The following MTMR10 variants were observed in gnomAD, a reference collection of about 807,000 sequenced individuals.
The protein encoded by MTMR10 is myotubularin-related protein 10.
MTMR10 carries 56 observed loss-of-function variants against 88.1 expected under a neutral mutation model. That is an observed-to-expected ratio of 0.64 (90% CI 0.51 to 0.79). The LOEUF (loss-of-function observed/expected upper bound fraction) is 0.79. MTMR10 is among the 30% of genes least tolerant of loss of function. The pLI, the probability that MTMR10 is intolerant of heterozygous loss-of-function variation, is 0.00. For missense variants in MTMR10, 883 were observed against 924.7 expected (o/e 0.95, Z 0.58); for synonymous variants, 380 against 340.9 (o/e 1.11, Z -1.26).
At chr15:30,925,137 G>GCATC in the MTMR10 span, 1 of 1,613,544 alleles carries the variant, frequency 6.2e-7, no homozygotes. Context: ...ACTATCAAGT[G>GCATC]CATCACAGAG....
chr15:30,966,052 T>G, intron 6 of MTMR10: 1 of 455,434 alleles, frequency 2.2e-6, no homozygotes, highest in South Asian at 1.6e-5. Context: ...TGTAACAGCA[T>G]GGAAGGATAT....
chr15:30,977,484 A>G (rs2141054346), intron 2 of MTMR10, among the ~76,000 whole-genome samples: 1 of 152,360 alleles, frequency 6.6e-6, no homozygotes, highest in East Asian at 1.9e-4. Flanking sequence ...ACAAAACCTT[A>G]AAACGTAGTT....
In MTMR10 at chr15:30,967,846, A is replaced by G; in HGVS notation, c.565+74T>C. 4.1e-6 allele frequency: 5 copies of G among 1,232,136 alleles called. No homozygotes were observed. The Admixed American group carries it at 1.1e-4, about 26-fold the overall frequency. 76.3% of individuals were successfully genotyped at this position (1,232,136 alleles called of 1,614,324 possible). On this transcript the variant is annotated intron_variant, in intron 6 of 15. Transcript: ENST00000435680. ...CAATCATTAAAGCTCATGTACTTGG[A>G]GGCTTCCGGTAAACATAAGAGTAAA...
At chr15:30,986,190 G>A (rs897591351) in intron 2 of MTMR10, among the ~76,000 whole-genome samples, 4 of 151,964 alleles carry the variant, frequency 2.6e-5, no homozygotes, top group Admixed American at 2.6e-4. Context: ...GGTGGCGCAC[G>A]TCTGTAGTCC....
At chr15:30,983,263 T>C (rs2030713702) in intron 2 of MTMR10, among the ~76,000 whole-genome samples, 1 of 152,148 alleles carries the variant, frequency 6.6e-6, no homozygotes, top group South Asian at 2.1e-4. Context: ...AGCAGGAAAT[T>C]AGCTTCAGTG....
intron 2 of MTMR10, among the ~76,000 whole-genome samples, chr15:30,984,929 A>T (rs2030846005): frequency 6.6e-6 from 1 of 152,168 alleles, no homozygotes; most frequent in Admixed American, 6.5e-5. Flanking sequence ...CTGAGCTCTT[A>T]CTACTTTTTC....
the MTMR10 span, chr15:30,929,064 CA>C: frequency 2.5e-6 from 2 of 811,100 alleles, no homozygotes; most frequent in Non-Finnish European, 3.8e-6. Flanking sequence ...GCTTTTATAT[CA>C]ATTAACTTTT....
chr15:30,939,325 C>G lies in MTMR10; in HGVS notation c.*2145G>C, dbSNP rs181070366. On this transcript the variant is annotated 3_prime_UTR_variant, in exon 16 of 16. Transcript: ENST00000435680. ...GCATCTGTGCGGCATTCCCTCAGCACGGGCTCTGCTGGCGGGCAGCAGGGG... is the reference window on the plus strand; with the variant it reads ...GCATCTGTGCGGCATTCCCTCAGCAGGGGCTCTGCTGGCGGGCAGCAGGGG... 1.4e-4 allele frequency: 134 copies of G among 985,488 alleles called. No individual in the cohort carries two copies. In the African/African-American group the frequency reaches 2.1e-3, roughly 16 times the overall value. 61.0% of individuals were successfully genotyped at this position (985,488 alleles called of 1,614,324 possible). A position where few individuals can be genotyped will look rare whatever the true frequency, so the allele number is the denominator to read the frequency against.
chr15:30,928,744 CA>C, the MTMR10 span: 1 of 1,589,954 alleles, frequency 6.3e-7, no homozygotes, highest in African/African-American at 1.3e-5. Flanking sequence ...CCACAGCCAG[CA>C]GAAACCATCT....
chr15:30,943,652 A>C (rs2063120895), intron 14 of MTMR10: 1 of 985,338 alleles, frequency 1.0e-6, no homozygotes, highest in South Asian at 4.7e-5. Flanking sequence ...GACCATGTAC[A>C]CAGGAGACCC....
At position 30,948,499 on chromosome 15, in the gene MTMR10, T is replaced by C. The variant is rs776142566; in HGVS notation, c.1208-28A>G. 11 of 1,567,316 alleles carry C rather than the reference T, an allele frequency of 7.0e-6. 1 individual carries two copies. The South Asian group carries it at 1.3e-4, about 18-fold the overall frequency. ...GTTAATAAAATGGAAAGAAAATGAT[T>C]ACAACATAGAAAAATGCTGAGAGAG... On this transcript the variant is annotated intron_variant, in intron 12 of 15. Coordinates refer to ENST00000435680, the MANE Select transcript of MTMR10 (RefSeq NM_017762.3).
chr15:30,991,339 A>C (rs2031312591), intron 1 of MTMR10, 108 bp downstream of exon 1: 1 of 1,124,050 alleles, frequency 8.9e-7, no homozygotes, highest in Non-Finnish European at 1.2e-6. Flanking sequence ...TGCTGTGGGC[A>C]GGGAGACGCG....
rs926760438 is a variant in MTMR10 at position 30,991,303 on chromosome 15, C to T, written c.60+144G>A. 69 of 818,974 alleles carry T rather than the reference C, an allele frequency of 8.4e-5. 1 individual carries two copies. The South Asian group carries it at 1.8e-3, about 21-fold the overall frequency. The allele number at this position is 818,974 out of a possible 1,614,324, so 50.7% of individuals were successfully genotyped here. ...GGGGCTCCCGAGAAGGCGCATTTCG[C>T]GGCGCCGGGAATCAGGCAGCCGCGC... On this transcript the variant is annotated intron_variant, in intron 1 of 15. Coordinates refer to ENST00000435680, the MANE Select transcript of MTMR10 (RefSeq NM_017762.3).
the MTMR10 span, among the ~76,000 whole-genome samples, chr15:30,929,924 AT>A: frequency 2.6e-5 from 1 of 37,910 alleles, no homozygotes; most frequent in South Asian, 1.2e-3. Flanking sequence ...TATATATCAT[AT>A]ATAATATATA....
At chr15:30,929,177 G>A in the MTMR10 span, 2 of 1,605,752 alleles carry the variant, frequency 1.2e-6, no homozygotes, top group Non-Finnish European at 1.7e-6. Flanking sequence ...GGCACAGTAT[G>A]ACAGCTTGCT....
At chr15:30,959,615 T>C (rs2063374378) in intron 7 of MTMR10, among the ~76,000 whole-genome samples, 1 of 152,190 alleles carries the variant, frequency 6.6e-6, no homozygotes, top group Non-Finnish European at 1.5e-5. Flanking sequence ...CCTCAAGACA[T>C]CTTCCTTCTT....
At chr15:30,929,969 TA>T in the MTMR10 span, among the ~76,000 whole-genome samples, 1 of 125,580 alleles carries the variant, frequency 8.0e-6, no homozygotes, top group South Asian at 2.2e-4. Context: ...ATATAATATA[TA>T]AAATATATAA....
At chr15:30,926,010 A>G in the MTMR10 span, 1 of 1,491,240 alleles carries the variant, frequency 6.7e-7, no homozygotes. Flanking sequence ...ATGGGCTGTC[A>G]GCAGTGGGCT....
intron 2 of MTMR10, among the ~76,000 whole-genome samples, chr15:30,986,956 T>C (rs8040296): frequency 0.18 from 28,121 of 152,182 alleles, 2,806 homozygotes; most frequent in African/African-American, 0.27. Flanking sequence ...TTAACAAATA[T>C]ATACTGGAAC....
Sources: allele counts gnomAD v4.1 joint callset (sites outside exome capture counted in the v4.1 genomes callset), GRCh38; gene constraint gnomAD v4.1.1; transcripts MANE v1.5; gene names NCBI Gene and HGNC (gene_info 2026-07-23, HGNC 2026-07-21).